AADAT: variants seen among roughly 807,000 people sequenced by gnomAD.
AADAT encodes the protein aminoadipate aminotransferase.
AADAT carries 25 observed loss-of-function variants against 56.2 expected under a neutral mutation model. The ratio of observed to expected loss-of-function variants is 0.44; its 90% CI spans 0.32 to 0.62. The LOEUF (loss-of-function observed/expected upper bound fraction) is 0.62, where lower values mean the gene tolerates loss of function less well. AADAT is among the 20% of genes least tolerant of loss of function. The pLI is 0.04. For synonymous variants in AADAT, 173 were observed against 164.7 expected (o/e 1.05, Z -0.39); for missense variants, 387 against 510.5 (o/e 0.76, Z 2.33).
intron 4 of AADAT, among the ~76,000 whole-genome samples, chr4:170,073,861 T>C (rs1731911068): frequency 6.6e-6 from 1 of 152,222 alleles, no homozygotes; most frequent in Admixed American, 6.5e-5. Context: ...TATAATTCTT[T>C]CTTGCCCCGT....
chr4:170,081,819 C>T (rs1253970530), intron 3 of AADAT, among the ~76,000 whole-genome samples: 1 of 152,142 alleles, frequency 6.6e-6, no homozygotes, highest in Non-Finnish European at 1.5e-5. Context: ...GGATTACAGG[C>T]GTGAGCTACC....
intron 3 of AADAT, among the ~76,000 whole-genome samples, chr4:170,084,098 A>G (rs143886515): frequency 2.6e-5 from 4 of 152,286 alleles, no homozygotes; most frequent in African/African-American, 9.6e-5. Flanking sequence ...ATGGATAGAA[A>G]TGGAGGTCAT....
rs116082202 is a variant in AADAT, at chr4:170,066,462, T to C, written c.979A>G (p.Ser327Gly). ...GCCAGTATTGCATCCTTCTGGTTAC[T>C]ATAGAAATCAATAACCCTAGAAAAA... ...AHVDRVIDFYSNQKDAILAAA... is the reference protein window; with the variant it reads ...AHVDRVIDFYGNQKDAILAAA... Residue 327 changes from serine to glycine, a missense_variant, in exon 10 of 13, where the codon AGT becomes GGT. Coordinates refer to ENST00000337664, the MANE Select transcript of AADAT (RefSeq NM_016228.4). 421 of 1,613,754 alleles carry C rather than the reference T, an allele frequency of 2.6e-4. No homozygotes were observed. The highest frequency in any genetic ancestry group is 3.4e-4 in the Non-Finnish European group (406 of 1,179,766).
chr4:170,068,214 T>A (rs930819052), intron 8 of AADAT, among the ~76,000 whole-genome samples: 8 of 150,850 alleles, frequency 5.3e-5, no homozygotes, highest in African/African-American at 2.0e-4. Context: ...ACAAAAAATA[T>A]GAAAAAAAGT....
chr4:170,067,518 A>G (rs913300947), intron 8 of AADAT, 130 bp from the exon 9 acceptor site: 3 of 607,136 alleles, frequency 4.9e-6, no homozygotes, highest in Non-Finnish European at 8.8e-6. Context: ...CCTAGCTTAT[A>G]TAGTCAGTGA....
chr4:170,061,955 G>A lies in AADAT; in HGVS notation c.1173C>T (p.Ser391=), dbSNP rs1045245780. 2.5e-6 allele frequency: 4 copies of A among 1,613,080 alleles called. No individual in the cohort carries two copies. The African/African-American group carries it at 4.0e-5, about 16-fold the overall frequency. The change falls in exon 12 of 13, where the codon AGC becomes AGT. Residue 391 remains serine, a synonymous_variant. Transcript: ENST00000337664. The stretch of plus-strand genomic sequence containing the variant: ...CTCTCAAGTAAGGGCTAGGAGCTGA[G>A]CTATCGACGTAGAAAGCATTTCCAG... ...MLPGNAFYVD[S]SAPSPYLRAS...
At chr4:170,089,246 C>A (rs770334218) in intron 1 of AADAT, 6 of 453,796 alleles carry the variant, frequency 1.3e-5, no homozygotes, top group Non-Finnish European at 1.3e-5. Context: ...CATGGCCCAC[C>A]CCTCTCCCAT....
chr4:170,076,294 C>G (rs187239088), intron 4 of AADAT, among the ~76,000 whole-genome samples: 18 of 152,128 alleles, frequency 1.2e-4, no homozygotes, highest in African/African-American at 4.1e-4. Flanking sequence ...TAGTATCTCA[C>G]AGTAGTTTTG....
intron 9 of AADAT, 75 bp downstream of exon 9, chr4:170,067,252 A>G (rs1731511716): frequency 9.2e-7 from 1 of 1,086,488 alleles, no homozygotes; most frequent in South Asian, 1.4e-5. Flanking sequence ...GAATAAATCA[A>G]TACTGTAGGT....
chr4:170,092,437 A>G (rs1283746972), upstream of AADAT, among the ~76,000 whole-genome samples: 3 of 152,242 alleles, frequency 2.0e-5, no homozygotes, highest in East Asian at 1.9e-4. Flanking sequence ...CGAACCCACC[A>G]GAAGGAAGAA....
chr4:170,083,610 A>C (rs1370979493), intron 3 of AADAT, among the ~76,000 whole-genome samples: 1 of 152,180 alleles, frequency 6.6e-6, no homozygotes, highest in African/African-American at 2.4e-5. Flanking sequence ...CTAAAAGAAG[A>C]CATAAAAACG....
chr4:170,070,872 C>T (rs1007210312), intron 5 of AADAT, among the ~76,000 whole-genome samples: 1 of 152,138 alleles, frequency 6.6e-6, no homozygotes, highest in African/African-American at 2.4e-5. Context: ...TATACATAAG[C>T]CTGTGGATCA....
At chr4:170,068,468 T>C in intron 8 of AADAT, 123 bp downstream of exon 8, 1 of 644,996 alleles carries the variant, frequency 1.6e-6, no homozygotes, top group Non-Finnish European at 2.6e-6. Context: ...TTAGCATGTC[T>C]GCAAAGAAGG....
At chr4:170,068,227 C>G (rs1224270013) in intron 8 of AADAT, among the ~76,000 whole-genome samples, 15 of 151,816 alleles carry the variant, frequency 9.9e-5, no homozygotes, top group Admixed American at 7.2e-4. Context: ...AAAAAAGTCT[C>G]CAACTTGGTA....
At chr4:170,081,363 G>C (rs1368627504) in intron 3 of AADAT, among the ~76,000 whole-genome samples, 1 of 152,098 alleles carries the variant, frequency 6.6e-6, no homozygotes, top group Non-Finnish European at 1.5e-5. Context: ...AGGAAGGTGA[G>C]CAAAAGCAAG....
upstream of AADAT, among the ~76,000 whole-genome samples, chr4:170,091,155 C>T (rs1456728867): frequency 6.6e-6 from 1 of 152,230 alleles, no homozygotes; most frequent in Non-Finnish European, 1.5e-5. Flanking sequence ...TTCAGCCCGC[C>T]GCTGCACTGT....
intron 3 of AADAT, among the ~76,000 whole-genome samples, chr4:170,083,058 C>G (rs1019311969): frequency 2.0e-5 from 3 of 148,616 alleles, no homozygotes; most frequent in African/African-American, 7.5e-5. Flanking sequence ...TAGACAGTTA[C>G]AAAAATATTC....
intron 11 of AADAT, among the ~76,000 whole-genome samples, chr4:170,062,222 T>A (rs1731227043): frequency 6.6e-6 from 1 of 152,216 alleles, no homozygotes; most frequent in African/African-American, 2.4e-5. Flanking sequence ...AAATGCTATC[T>A]CTTCTCAAAA....
intron 3 of AADAT, among the ~76,000 whole-genome samples, chr4:170,085,214 G>A (rs560427505): frequency 3.9e-5 from 6 of 152,270 alleles, no homozygotes; most frequent in Non-Finnish European, 7.4e-5. Context: ...TAGCCTATTG[G>A]TAGTTATGTT....
Sources: gnomAD v4.1 joint callset for allele counts (sites outside exome capture counted in the v4.1 genomes callset) on GRCh38, gnomAD v4.1.1 for gene constraint, MANE v1.5 for transcripts, NCBI Gene and HGNC (gene_info 2026-07-23, HGNC 2026-07-21) for gene names.